FTO: variants seen among roughly 807,000 people sequenced by gnomAD.
FTO encodes FTO alpha-ketoglutarate dependent dioxygenase.
A neutral mutation model predicts 63.9 loss-of-function variants in FTO; 47 were observed. The observed-to-expected ratio is 0.74, with a 90% CI of 0.58 to 0.94. FTO has a LOEUF of 0.94. Among genes scored for constraint, FTO ranks in the 40% least tolerant of loss-of-function variants. The pLI is 0.00. For missense variants in FTO, 562 were observed against 618.1 expected (o/e 0.91, Z 0.96); for synonymous variants, 207 against 224.4 (o/e 0.92, Z 0.69).
intron 1 of FTO, among the ~76,000 whole-genome samples, chr16:53,783,503 G>A (rs1007925424): frequency 1.3e-5 from 2 of 150,066 alleles, no homozygotes; most frequent in Non-Finnish European, 1.5e-5. Flanking sequence ...AGCTACTCGA[G>A]AGGCTGAGGC....
intron 1 of FTO, among the ~76,000 whole-genome samples, chr16:53,801,264 G>A (rs2078213504): frequency 6.6e-6 from 1 of 150,540 alleles, no homozygotes; most frequent in African/African-American, 2.4e-5. Flanking sequence ...TTGGTTTTAG[G>A]GTTTCTGGTA....
At chr16:53,734,590 C>T (rs558526884) in intron 1 of FTO, among the ~76,000 whole-genome samples, 1 of 152,302 alleles carries the variant, frequency 6.6e-6, no homozygotes, top group Admixed American at 6.5e-5. Flanking sequence ...TTCCATGTAA[C>T]AGTGGATTAA....
intron 3 of FTO, among the ~76,000 whole-genome samples, chr16:53,831,456 A>AC (rs2079142619): frequency 6.6e-6 from 1 of 151,700 alleles, no homozygotes; most frequent in Non-Finnish European, 1.5e-5. Flanking sequence ...AGAAGACCAA[A>AC]GGGGGGGAAA....
At chr16:53,923,388 T>A (rs1040820863) in intron 7 of FTO, among the ~76,000 whole-genome samples, 2 of 152,226 alleles carry the variant, frequency 1.3e-5, no homozygotes, top group East Asian at 3.8e-4. Flanking sequence ...TTCCTGTACA[T>A]TAAAACAACA....
At chr16:53,925,023 T>C (rs2082104294) in intron 7 of FTO, among the ~76,000 whole-genome samples, 1 of 150,068 alleles carries the variant, frequency 6.7e-6, no homozygotes, top group South Asian at 2.1e-4. Flanking sequence ...GCTATCTCAG[T>C]GGGTTCTGTG....
chr16:53,884,472 T>C (rs1031556831), intron 6 of FTO, among the ~76,000 whole-genome samples: 5 of 152,146 alleles, frequency 3.3e-5, no homozygotes, highest in Admixed American at 2.6e-4. Flanking sequence ...CTGGTCTAAT[T>C]TCTTTCTCAG....
intron 6 of FTO, among the ~76,000 whole-genome samples, chr16:53,887,261 A>G (rs1016317299): frequency 5.9e-5 from 9 of 152,138 alleles, no homozygotes; most frequent in Non-Finnish European, 1.3e-4. Flanking sequence ...TTGCTGGCAA[A>G]ATAGCTGCAG....
At chr16:53,720,074 T>C (rs1329534032) in intron 1 of FTO, among the ~76,000 whole-genome samples, 5 of 152,100 alleles carry the variant, frequency 3.3e-5, no homozygotes, top group African/African-American at 1.2e-4. Context: ...CTGCTATAGT[T>C]AGTGGAAGTT....
chr16:53,707,519 C>G (rs1309870232), intron 1 of FTO, among the ~76,000 whole-genome samples: 1 of 152,182 alleles, frequency 6.6e-6, no homozygotes, highest in Non-Finnish European at 1.5e-5. Flanking sequence ...GAACAATATT[C>G]AAATGCACTG....
intron 3 of FTO, among the ~76,000 whole-genome samples, chr16:53,843,616 T>A (rs2079535067): frequency 6.6e-6 from 1 of 152,196 alleles, no homozygotes; most frequent in Non-Finnish European, 1.5e-5. Flanking sequence ...TTCTTGCTTG[T>A]TTATATTTCC....
chr16:53,834,355 C>T (rs1293577066), intron 3 of FTO, among the ~76,000 whole-genome samples: 1 of 152,076 alleles, frequency 6.6e-6, no homozygotes, highest in Admixed American at 6.6e-5. Flanking sequence ...ATGTGATGAG[C>T]ACGGGATCAG....
At chr16:53,983,613 C>CA (rs1381629030) in intron 8 of FTO, among the ~76,000 whole-genome samples, 1 of 151,974 alleles carries the variant, frequency 6.6e-6, no homozygotes, top group African/African-American at 2.4e-5. Flanking sequence ...CAAACACACA[C>CA]ACACACACAC....
chr16:54,066,917 A>C (rs1275830328), intron 8 of FTO, among the ~76,000 whole-genome samples: 1 of 152,252 alleles, frequency 6.6e-6, no homozygotes, highest in Non-Finnish European at 1.5e-5. Flanking sequence ...TGCATTTGCA[A>C]AGGTCAGGCT....
intron 8 of FTO, among the ~76,000 whole-genome samples, chr16:54,102,418 A>G (rs756255553): frequency 6.6e-6 from 1 of 152,154 alleles, no homozygotes; most frequent in East Asian, 1.9e-4. Flanking sequence ...ATCTCATGAA[A>G]AATAACAATC....
chr16:54,058,557 T>A (rs1016700401), intron 8 of FTO, among the ~76,000 whole-genome samples: 3 of 152,068 alleles, frequency 2.0e-5, no homozygotes, highest in Non-Finnish European at 2.9e-5. Context: ...GGTGCCCAGG[T>A]TTAGAGATGA....
chr16:53,753,252 C>CAAAAA (rs35605359), intron 1 of FTO, among the ~76,000 whole-genome samples: 13 of 77,826 alleles, frequency 1.7e-4, no homozygotes, highest in East Asian at 3.9e-4. Context: ...GACCCTGTCT[C>CAAAAA]AAAAAAAAAA....
intron 8 of FTO, among the ~76,000 whole-genome samples, chr16:54,029,857 T>G (rs1477093): frequency 0.23 from 34,697 of 152,132 alleles, 5,588 homozygotes; most frequent in African/African-American, 0.45. Flanking sequence ...GAAAAGCACT[T>G]ATTAAAGAAT....
chr16:53,953,197 T>C (rs2082840997), intron 8 of FTO, among the ~76,000 whole-genome samples: 2 of 152,362 alleles, frequency 1.3e-5, no homozygotes, highest in South Asian at 2.1e-4. Context: ...TCTTACACCA[T>C]TGTAGTCTAC....
intron 1 of FTO, among the ~76,000 whole-genome samples, chr16:53,790,024 CATAA>C (rs993073109): frequency 3.4e-5 from 5 of 149,086 alleles, no homozygotes; most frequent in Middle Eastern, 3.6e-3. Context: ...TATATATACA[CATAA>C]ATATTTTGTA....
Sources: allele counts gnomAD v4.1 joint callset (sites outside exome capture counted in the v4.1 genomes callset), GRCh38; gene constraint gnomAD v4.1.1; transcripts MANE v1.5; gene names NCBI Gene and HGNC (gene_info 2026-07-23, HGNC 2026-07-21).